Variants in ATP2B2 observed in about 807,000 individuals in gnomAD.
ATP2B2 encodes the protein plasma membrane calcium-transporting ATPase 2.
Under a neutral mutation model 120.0 loss-of-function variants are expected in ATP2B2, and 15 were observed. The ratio of observed to expected loss-of-function variants is 0.12; its 90% CI spans 0.08 to 0.19. The LOEUF is 0.19. Ranked by LOEUF, ATP2B2 falls within the 10% of genes least tolerant of loss-of-function variation. The pLI, the probability that ATP2B2 is intolerant of heterozygous loss-of-function variation, is 1.00. For missense variants in ATP2B2, 1,045 were observed against 1,719.8 expected (o/e 0.61, Z 6.94); for synonymous variants, 694 against 700.3 (o/e 0.99, Z 0.14).
At chr3:10,457,382 CTG>C (rs1360061854) in intron 1 of ATP2B2, among the ~76,000 whole-genome samples, 1 of 152,006 alleles carries the variant, frequency 6.6e-6, no homozygotes, top group African/African-American at 2.4e-5. Flanking sequence ...GGGGGCACAC[CTG>C]TGTCAGAAGA....
intron 2 of ATP2B2, among the ~76,000 whole-genome samples, chr3:10,424,433 A>G (rs1481276582): frequency 6.6e-6 from 1 of 152,210 alleles, no homozygotes; most frequent in Non-Finnish European, 1.5e-5. Flanking sequence ...ATAAACAGAG[A>G]CTTGGCAATA....
Position 10,342,671 on chromosome 3 carries a change from G to T in ATP2B2, c.2917+81C>A, listed in dbSNP as rs147534869. ...GCAAAACAGGAGGGGGTTGTGACTCGAGAATGCTGGGTGAGAGCCATGGTG... is the reference window on the plus strand; with the variant it reads ...GCAAAACAGGAGGGGGTTGTGACTCTAGAATGCTGGGTGAGAGCCATGGTG... On this transcript the variant is annotated intron_variant, in intron 19 of 22. Coordinates refer to ENST00000360273, the MANE Select transcript of ATP2B2 (RefSeq NM_001001331.4). This position sits in a 1 kb window ranked among gnomAD's most constrained non-coding sequence, Gnocchi z 4.4. 2.0e-6 allele frequency: 3 copies of T among 1,523,286 alleles called. No individual in the cohort carries two copies. The highest frequency in any genetic ancestry group is 2.7e-5 in the African/African-American group (2 of 72,886). 94.4% of individuals were successfully genotyped at this position (1,523,286 alleles called of 1,614,324 possible).
At chr3:10,535,407 G>C (rs1575470383) in intron 2 of ATP2B2, among the ~76,000 whole-genome samples, 1 of 151,930 alleles carries the variant, frequency 6.6e-6, no homozygotes, top group Non-Finnish European at 1.5e-5. Context: ...GTGTGTGTGT[G>C]TGTGTGTGTG....
intron 2 of ATP2B2, among the ~76,000 whole-genome samples, chr3:10,577,071 A>AAAG (rs1559467540): frequency 1.3e-5 from 2 of 148,672 alleles, no homozygotes; most frequent in Non-Finnish European, 1.5e-5. Context: ...AAAAAAAAAA[A>AAAG]AAGAAGCTGC....
Position 10,328,545 on chromosome 3 carries a change from CA to C in ATP2B2, c.*268del. Reference sequence around the variant, plus strand: ...GGCTGGTCCATGTCTGGGTGGGAGCCAGGAAGGGCTTGTTTTGGGAAAACCG... The same window carrying C: ...GGCTGGTCCATGTCTGGGTGGGAGCCGGAAGGGCTTGTTTTGGGAAAACCG... On this transcript the variant is annotated 3_prime_UTR_variant, in exon 23 of 23. Transcript: ENST00000360273. 1.2e-4 allele frequency: 58 copies of C among 472,502 alleles called. No individual in the cohort carries two copies. Among genetic ancestry groups the C allele is most frequent in the Non-Finnish European group, 1.8e-4 (47 of 264,840 alleles). The allele number at this position is 472,502 out of a possible 1,614,324, so 29.3% of individuals were successfully genotyped here.
In ATP2B2 at chr3:10,332,339, T is replaced by C. The variant is rs2060003824; in HGVS notation, c.3421-3214A>G. On this transcript the variant is annotated intron_variant, in intron 22 of 22. Transcript: ENST00000360273. Reference sequence around the variant, plus strand: ...TGGACCTGGCTTATGGGGCTGGCTCTTGGCTTGGGTGGTTTGAAAGAGCAG... The same window carrying C: ...TGGACCTGGCTTATGGGGCTGGCTCCTGGCTTGGGTGGTTTGAAAGAGCAG... 1.8e-5 allele frequency: 7 copies of C among 384,226 alleles called. No homozygotes were observed. The South Asian group carries it at 2.8e-4, about 16-fold the overall frequency. 23.8% of individuals were successfully genotyped at this position (384,226 alleles called of 1,614,324 possible). A position where few individuals can be genotyped will look rare whatever the true frequency, so the allele number is the denominator to read the frequency against.
chr3:10,456,551 C>T (rs570952470), intron 1 of ATP2B2, among the ~76,000 whole-genome samples: 38 of 152,304 alleles, frequency 2.5e-4, no homozygotes, highest in East Asian at 1.7e-3. Context: ...TTTCTGGCAA[C>T]GAGGAAACAC....
chr3:10,595,153 C>G lies in ATP2B2; in HGVS notation c.-415+24764G>C, dbSNP rs2068736506. ...GTGCATTCCTAGATTCTCATAGGCC[C>G]ACACTGGACAGATCCCTCCCACTCC... On this transcript the variant is annotated intron_variant, in intron 2 of 21. Transcript: ENST00000646379. 2.0e-5 allele frequency among the ~76,000 whole-genome samples: 3 copies of G among 152,216 alleles called. No individual in the cohort carries two copies. In the South Asian group the frequency reaches 6.2e-4, roughly 32 times the overall value.
rs76673907 is a variant in ATP2B2, at chr3:10,383,354, C to T, written c.1000+1914G>A. 8.1e-3 allele frequency among the ~76,000 whole-genome samples: 1,230 copies of T among 152,224 alleles called. 7 individuals are homozygous for T. The highest frequency in any genetic ancestry group is 0.013 in the Non-Finnish European group (909 of 67,992). The stretch of plus-strand genomic sequence containing the variant: ...AACTCTATGTGACTCTGTAACTCTC[C>T]GCTACACACCAGCATATTCAAGGCT... On this transcript the variant is annotated intron_variant, in intron 8 of 22. Coordinates refer to ENST00000360273, the MANE Select transcript of ATP2B2 (RefSeq NM_001001331.4).
chr3:10,707,978 C>CGCCCG (rs1187131804), exon 1 of ATP2B2: 14 of 147,946 alleles, frequency 9.5e-5, no homozygotes, highest in East Asian at 2.0e-4. Flanking sequence ...CGCTGGTGCG[C>CGCCCG]GCCCGGCCCG....
At chr3:10,570,987 G>C (rs575311790) in intron 2 of ATP2B2, among the ~76,000 whole-genome samples, 12 of 152,310 alleles carry the variant, frequency 7.9e-5, no homozygotes, top group African/African-American at 2.4e-4. Context: ...TAAAATTCTG[G>C]GTCAGTGAGT....
intron 1 of ATP2B2, among the ~76,000 whole-genome samples, chr3:10,654,771 G>A (rs1294409588): frequency 7.1e-5 from 7 of 97,940 alleles, no homozygotes; most frequent in Non-Finnish European, 4.3e-5. Context: ...AATCTCTTGG[G>A]AAGCTGGTAA....
intron 2 of ATP2B2, among the ~76,000 whole-genome samples, chr3:10,418,570 CCTCTT>C: frequency 6.6e-6 from 1 of 152,082 alleles, no homozygotes; most frequent in South Asian, 2.1e-4. Context: ...TGACCACTGA[CCTCTT>C]CTCCCCTGTT....
chr3:10,592,603 A>G (rs2068670595), intron 2 of ATP2B2, among the ~76,000 whole-genome samples: 1 of 152,208 alleles, frequency 6.6e-6, no homozygotes, highest in African/African-American at 2.4e-5. Flanking sequence ...CCCTTCTAAG[A>G]ATGGATCTTT....
At chr3:10,494,848 T>G (rs2066078111) in intron 1 of ATP2B2, among the ~76,000 whole-genome samples, 2 of 152,164 alleles carry the variant, frequency 1.3e-5, no homozygotes. Flanking sequence ...CCACAATGGC[T>G]ATGGTCATTT....
Position 10,359,900 on chromosome 3 carries a change from G to C in ATP2B2, c.1883C>G (p.Ser628Cys). The C allele has an allele frequency of 6.2e-7, 1 of 1,614,248 alleles. No homozygotes were observed. Among genetic ancestry groups the C allele is most frequent in the Non-Finnish European group, 8.5e-7 (1 of 1,180,050 alleles). Residue 628 changes from serine to cysteine, a missense_variant, in exon 13 of 23, where the codon TCT becomes TGT. Ser to Cys is a moderately radical substitution (Grantham distance 112, BLOSUM62 -1). This residue lies in a region of ATP2B2 where 343 missense variants were observed against 536.8 expected (regional missense o/e 0.64). Coordinates refer to ENST00000360273, the MANE Select transcript of ATP2B2 (RefSeq NM_001001331.4). Reference sequence around the variant, plus strand: ...CGCTTACTTCTTGAGCACGATCTCAGAAGCCCCCTTGCTGTACATGCGGAA... The same window carrying C: ...CGCTTACTTCTTGAGCACGATCTCACAAGCCCCCTTGCTGTACATGCGGAA... ...ESFRMYSKGA[S>C]EIVLKKCCKI...
chr3:10,560,909 T>G (rs1042618490), intron 2 of ATP2B2, among the ~76,000 whole-genome samples: 1 of 152,296 alleles, frequency 6.6e-6, no homozygotes, highest in South Asian at 2.1e-4. Flanking sequence ...GTGGCCCCAG[T>G]GCACAAGACT....
chr3:10,448,326 G>C (rs1388891149), intron 2 of ATP2B2, among the ~76,000 whole-genome samples: 1 of 152,242 alleles, frequency 6.6e-6, no homozygotes, highest in Non-Finnish European at 1.5e-5. Flanking sequence ...TTTTCCAGGA[G>C]AAGAAAACTG....
chr3:10,569,486 C>A (rs969042649), intron 2 of ATP2B2, among the ~76,000 whole-genome samples: 2 of 152,178 alleles, frequency 1.3e-5, no homozygotes, highest in African/African-American at 4.8e-5. Flanking sequence ...TTCTAGATGG[C>A]ACCCTGACCA....
Sources: gnomAD v4.1 joint callset for allele counts (sites outside exome capture counted in the v4.1 genomes callset) on GRCh38, gnomAD v4.1.1 for gene constraint, gnomAD v4.1.1 regional missense constraint, Gnocchi (gnomAD v3.1) non-coding constraint, MANE v1.5 for transcripts, NCBI Gene and HGNC (gene_info 2026-07-23, HGNC 2026-07-21) for gene names.